DSCAM: variants seen among roughly 807,000 people sequenced by gnomAD.
DSCAM encodes the protein cell adhesion molecule DSCAM.
In DSCAM, 47 loss-of-function variants were observed where a neutral mutation model predicts 217.7. The ratio of observed to expected loss-of-function variants is 0.22; its 90% CI spans 0.17 to 0.28. DSCAM has a LOEUF of 0.28. Among genes scored for constraint, DSCAM ranks in the 10% least tolerant of loss-of-function variants. The pLI, the probability that DSCAM is intolerant of heterozygous loss-of-function variation, is 1.00. For missense variants in DSCAM, 2,080 were observed against 2,618.3 expected (o/e 0.79, Z 4.49); for synonymous variants, 1,056 against 1,015.3 (o/e 1.04, Z -0.76).
chr21:40,635,411 C>T lies in DSCAM; in HGVS notation c.508+57399G>A, dbSNP rs140390884. Among the ~76,000 whole-genome samples, 6 of 152,004 alleles carry T rather than the reference C, an allele frequency of 3.9e-5. No individual in the cohort carries two copies. The East Asian group carries it at 7.7e-4, about 20-fold the overall frequency. On this transcript the variant is annotated intron_variant, in intron 3 of 32. Coordinates refer to ENST00000400454, the MANE Select transcript of DSCAM (RefSeq NM_001389.5). The stretch of plus-strand genomic sequence containing the variant: ...AAATGATGCAGCTGCAAATTGCTAC[C>T]GAGGTAAAGAAAGATTTAGAAAGTA...
chr21:40,686,656 T>G (rs535922954), intron 3 of DSCAM, among the ~76,000 whole-genome samples: 3 of 152,290 alleles, frequency 2.0e-5, no homozygotes, highest in Admixed American at 1.3e-4. Flanking sequence ...GTTTGCAGCT[T>G]TCAGAATGGG....
intron 8 of DSCAM, among the ~76,000 whole-genome samples, chr21:40,333,656 A>G (rs2074399709): frequency 6.6e-6 from 1 of 152,214 alleles, no homozygotes; most frequent in African/African-American, 2.4e-5. Flanking sequence ...TTTAAAATGT[A>G]AACTTAAATG....
chr21:40,428,798 T>C (rs981082081), intron 3 of DSCAM, among the ~76,000 whole-genome samples: 1 of 151,968 alleles, frequency 6.6e-6, no homozygotes, highest in African/African-American at 2.4e-5. Context: ...ACTGACATGA[T>C]ATCGTTCTAC....
At chr21:40,260,009 G>C (rs947490731) in intron 11 of DSCAM, among the ~76,000 whole-genome samples, 2 of 151,928 alleles carry the variant, frequency 1.3e-5, no homozygotes, top group Non-Finnish European at 2.9e-5. Context: ...TTACAGGCGT[G>C]AGCCACCGCG....
At chr21:40,478,283 T>C (rs1039244800) in intron 3 of DSCAM, among the ~76,000 whole-genome samples, 3 of 152,174 alleles carry the variant, frequency 2.0e-5, no homozygotes, top group Non-Finnish European at 4.4e-5. Context: ...GGAGCTATTA[T>C]GAAAAGTGCT....
At chr21:40,667,606 C>T (rs988018271) in intron 3 of DSCAM, among the ~76,000 whole-genome samples, 1 of 152,074 alleles carries the variant, frequency 6.6e-6, no homozygotes, top group African/African-American at 2.4e-5. Context: ...GTGGGAGGAG[C>T]CAGGTGGGAG....
chr21:40,028,241 T>G (rs1179374914), intron 32 of DSCAM, among the ~76,000 whole-genome samples: 1 of 112,142 alleles, frequency 8.9e-6, no homozygotes, highest in Non-Finnish European at 1.8e-5. Flanking sequence ...AGCTGCGTAC[T>G]GGGAGGACCA....
chr21:40,392,672 A>G (rs77712049), intron 3 of DSCAM, among the ~76,000 whole-genome samples: 3,994 of 152,254 alleles, frequency 0.026, 60 homozygotes, highest in Middle Eastern at 0.044. Flanking sequence ...AGAACGGTGA[A>G]GCCTCTGGGT....
chr21:40,233,158 A>G (rs1242164729), intron 11 of DSCAM, among the ~76,000 whole-genome samples: 3 of 152,136 alleles, frequency 2.0e-5, no homozygotes, highest in Non-Finnish European at 4.4e-5. Flanking sequence ...AAACCTGCAC[A>G]TGTACTCCCG....
At chr21:40,638,116 T>C (rs2089831709) in intron 3 of DSCAM, among the ~76,000 whole-genome samples, 1 of 152,188 alleles carries the variant, frequency 6.6e-6, no homozygotes, top group Admixed American at 6.5e-5. Flanking sequence ...AGAGATAAAA[T>C]AACATACTGG....
chr21:40,282,535 G>C (rs1435762935), intron 10 of DSCAM, among the ~76,000 whole-genome samples: 1 of 134,692 alleles, frequency 7.4e-6, no homozygotes, highest in Non-Finnish European at 1.5e-5. Context: ...AGCTTGCAGT[G>C]AGCCAAGACA....
intron 1 of DSCAM, among the ~76,000 whole-genome samples, chr21:40,827,624 G>C (rs2091980793): frequency 6.6e-6 from 1 of 152,146 alleles, no homozygotes. Flanking sequence ...AAAGATGAGA[G>C]TGTCAGGTGA....
chr21:40,693,159 G>A (rs2090556818), intron 2 of DSCAM, among the ~76,000 whole-genome samples: 1 of 152,192 alleles, frequency 6.6e-6, no homozygotes, highest in African/African-American at 2.4e-5. Context: ...ACATAGCTGG[G>A]TAAGGTGGCT....
intron 1 of DSCAM, among the ~76,000 whole-genome samples, chr21:40,829,520 T>A (rs1044437414): frequency 2.6e-5 from 4 of 152,126 alleles, no homozygotes; most frequent in Non-Finnish European, 5.9e-5. Flanking sequence ...GGCTGTATAA[T>A]CAGGTATATC....
At chr21:40,466,066 G>T (rs1487411243) in intron 3 of DSCAM, among the ~76,000 whole-genome samples, 1 of 152,044 alleles carries the variant, frequency 6.6e-6, no homozygotes, top group Non-Finnish European at 1.5e-5. Context: ...TGGAACTGTT[G>T]TTCAGAAAGA....
At chr21:40,045,188 T>C (rs2410205) in intron 30 of DSCAM, among the ~76,000 whole-genome samples, 74,043 of 152,110 alleles carry the variant, frequency 0.49, 18,990 homozygotes, top group African/African-American at 0.63. Context: ...AGGAAATTAA[T>C]ACAGATGTTG....
intron 1 of DSCAM, among the ~76,000 whole-genome samples, chr21:40,765,879 C>A (rs1159721360): frequency 6.6e-6 from 1 of 152,202 alleles, no homozygotes; most frequent in Admixed American, 6.5e-5. Context: ...GAATTCTCAT[C>A]TCACATGTGG....
At chr21:40,013,417 G>A (rs1468731632) in intron 32 of DSCAM, 31 bp from the exon 33 acceptor site, 6 of 1,466,314 alleles carry the variant, frequency 4.1e-6, no homozygotes, top group Non-Finnish European at 5.5e-6. Flanking sequence ...GTTAGTTGGT[G>A]TCTTCATTTG....
At position 40,144,736 on chromosome 21, in the gene DSCAM, A is replaced by G; in HGVS notation, c.3019-5T>C. On this transcript the variant is annotated splice_polypyrimidine_tract_variant and splice_region_variant and intron_variant, in intron 16 of 32. Transcript: ENST00000400454. This position sits in a 1 kb window ranked among gnomAD's most constrained non-coding sequence, Gnocchi z 4.8. ...TTGCAAATGTTTCTTGGGAGCCTAA[A>G]CAGGAGAGAAAAGAACACACTAAAG... is the stretch of plus-strand genomic sequence containing the variant. 1 of 1,614,164 alleles carries G rather than the reference A, an allele frequency of 6.2e-7. No homozygotes were observed. Among genetic ancestry groups the G allele is most frequent in the Non-Finnish European group, 8.5e-7 (1 of 1,180,030 alleles).
Sources: allele counts gnomAD v4.1 joint callset (sites outside exome capture counted in the v4.1 genomes callset), GRCh38; gene constraint gnomAD v4.1.1; non-coding constraint Gnocchi (gnomAD v3.1); transcripts MANE v1.5; gene names NCBI Gene and HGNC (gene_info 2026-07-23, HGNC 2026-07-21).